Variants in IGF1R observed in about 807,000 individuals in gnomAD.
IGF1R encodes the protein insulin-like growth factor 1 receptor.
Under a neutral mutation model 144.6 loss-of-function variants are expected in IGF1R, and 44 were observed. That is an observed-to-expected ratio of 0.30 (90% confidence interval 0.24 to 0.39). The LOEUF (loss-of-function observed/expected upper bound fraction) is 0.39, where lower values mean the gene tolerates loss of function less well. IGF1R is among the 10% of genes least tolerant of loss of function. The probability of loss-of-function intolerance (pLI) is 1.00; values close to 1 mark genes in which losing one functional copy is unlikely to be tolerated. For missense variants in IGF1R, 1,355 were observed against 1,833.7 expected, an observed-to-expected ratio of 0.74 and a Z score of 4.77; for synonymous variants, 795 against 722.8, an observed-to-expected ratio of 1.10 and a Z score of -1.60.
At chr15:98,836,451 C>G (rs545518581) in intron 2 of IGF1R, among the ~76,000 whole-genome samples, 62 of 151,366 alleles carry the variant, frequency 4.1e-4, no homozygotes, top group Admixed American at 1.2e-3. Context: ...GCCAGGAGTT[C>G]CAGGCTGCAG....
At chr15:98,797,275 C>T (rs1352873249) in intron 2 of IGF1R, among the ~76,000 whole-genome samples, 1 of 152,154 alleles carries the variant, frequency 6.6e-6, no homozygotes, top group Non-Finnish European at 1.5e-5. Flanking sequence ...CCCTGGGCTG[C>T]AGCCCGAGCC....
intron 11 of IGF1R, among the ~76,000 whole-genome samples, chr15:98,922,783 C>G (rs559517986): frequency 2.5e-4 from 38 of 152,262 alleles, no homozygotes; most frequent in Non-Finnish European, 4.7e-4. Context: ...TGAGCTCTCA[C>G]ATGTCCAGAG....
intron 1 of IGF1R, among the ~76,000 whole-genome samples, chr15:98,691,901 C>A (rs1429928073): frequency 2.0e-5 from 3 of 152,184 alleles, no homozygotes; most frequent in African/African-American, 7.2e-5. Flanking sequence ...TATTTTTTGG[C>A]AGATGTTGTC....
intron 2 of IGF1R, among the ~76,000 whole-genome samples, chr15:98,854,427 G>A (rs1400597053): frequency 1.3e-5 from 2 of 152,160 alleles, no homozygotes; most frequent in African/African-American, 4.8e-5. Flanking sequence ...ACTCTCCTGG[G>A]CTCATGAGGT....
chr15:98,759,511 T>C (rs1313516226), intron 2 of IGF1R, among the ~76,000 whole-genome samples: 1 of 152,266 alleles, frequency 6.6e-6, no homozygotes. Flanking sequence ...GTCTGTTTGA[T>C]GAACACATGT....
intron 17 of IGF1R, among the ~76,000 whole-genome samples, chr15:98,937,837 G>C (rs752246952): frequency 3.9e-5 from 6 of 152,196 alleles, no homozygotes; most frequent in Admixed American, 6.5e-5. Flanking sequence ...AGAATTGTGA[G>C]CATAAACTTT....
intron 2 of IGF1R, among the ~76,000 whole-genome samples, chr15:98,773,728 G>T (rs924535979): frequency 5.9e-5 from 9 of 152,164 alleles, no homozygotes; most frequent in Non-Finnish European, 1.0e-4. Flanking sequence ...AGTTCAGGTT[G>T]GTCCCTTAGA....
intron 2 of IGF1R, among the ~76,000 whole-genome samples, chr15:98,723,922 C>G (rs2054301855): frequency 6.6e-6 from 1 of 152,024 alleles, no homozygotes; most frequent in African/African-American, 2.4e-5. Flanking sequence ...ACATAGTGTG[C>G]CCAGAAGCCA....
intron 1 of IGF1R, among the ~76,000 whole-genome samples, chr15:98,693,868 A>G (rs2053537378): frequency 6.6e-6 from 1 of 152,134 alleles, no homozygotes; most frequent in South Asian, 2.1e-4. Flanking sequence ...AGCCTCCCAA[A>G]GTGCTGGGAT....
At chr15:98,755,906 G>C (rs945502383) in intron 2 of IGF1R, among the ~76,000 whole-genome samples, 4 of 152,016 alleles carry the variant, frequency 2.6e-5, no homozygotes, top group African/African-American at 9.7e-5. Context: ...TTTATGAAAT[G>C]CCTTTTTGGC....
chr15:98,695,866 C>T (rs2053583603), intron 1 of IGF1R, among the ~76,000 whole-genome samples: 1 of 152,128 alleles, frequency 6.6e-6, no homozygotes, highest in African/African-American at 2.4e-5. Flanking sequence ...CAGCCGTTCT[C>T]CATGAGAAGG....
At chr15:98,904,998 G>T (rs1285636432) in intron 5 of IGF1R, among the ~76,000 whole-genome samples, 1 of 152,208 alleles carries the variant, frequency 6.6e-6, no homozygotes, top group Non-Finnish European at 1.5e-5. Context: ...CAGAAAAGCA[G>T]GGAAGGCACC....
At chr15:98,944,638 A>G (rs1047443449) in intron 19 of IGF1R, among the ~76,000 whole-genome samples, 22 of 152,256 alleles carry the variant, frequency 1.4e-4, no homozygotes, top group African/African-American at 5.1e-4. Flanking sequence ...AAATCTAGAA[A>G]GAAACACTAA....
intron 2 of IGF1R, among the ~76,000 whole-genome samples, chr15:98,723,643 C>G (rs928379163): frequency 2.7e-4 from 41 of 152,212 alleles, no homozygotes; most frequent in African/African-American, 9.6e-4. Flanking sequence ...AAGAGTAGGG[C>G]CGTTGCATTT....
At chr15:98,913,345 G>A in intron 8 of IGF1R, 63 bp downstream of exon 8, 1 of 1,262,936 alleles carries the variant, frequency 7.9e-7, no homozygotes, top group Non-Finnish European at 1.2e-6. Context: ...GGCCTTGCTT[G>A]TACCAGGTGT....
At chr15:98,681,285 A>G (rs567517825) in intron 1 of IGF1R, among the ~76,000 whole-genome samples, 3 of 152,226 alleles carry the variant, frequency 2.0e-5, no homozygotes, top group East Asian at 3.9e-4. Context: ...CTTGTTTCGC[A>G]TGTCTACCTG....
chr15:98,950,872 C>G lies in IGF1R; in HGVS notation c.3722+2164C>G, dbSNP rs191392797. ...TCCATAGTCTCAGAAATCATTGTCC[C>G]TAATCAAACAATCAAGGTGCTATTT... On this transcript the variant is annotated intron_variant, in intron 20 of 20. Transcript: ENST00000650285. Among the ~76,000 whole-genome samples, 4 of 152,308 alleles carry G rather than the reference C, an allele frequency of 2.6e-5. No homozygotes were observed. The East Asian group carries it at 7.7e-4, about 29-fold the overall frequency.
At chr15:98,745,429 C>T (rs1306614247) in intron 2 of IGF1R, among the ~76,000 whole-genome samples, 1 of 152,182 alleles carries the variant, frequency 6.6e-6, no homozygotes, top group Non-Finnish European at 1.5e-5. Context: ...GACAGAAAGC[C>T]GGTGGCCCAG....
At chr15:98,806,354 G>C (rs2056471093) in intron 2 of IGF1R, among the ~76,000 whole-genome samples, 1 of 152,180 alleles carries the variant, frequency 6.6e-6, no homozygotes, top group Non-Finnish European at 1.5e-5. Flanking sequence ...ACGAAGTGCT[G>C]TGTGGTGTCC....
Sources: gnomAD v4.1 joint callset for allele counts (sites outside exome capture counted in the v4.1 genomes callset) on GRCh38, gnomAD v4.1.1 for gene constraint, MANE v1.5 for transcripts, NCBI Gene and HGNC (gene_info 2026-07-23, HGNC 2026-07-21) for gene names.